The following PAPLN variants were observed in gnomAD, a reference collection of about 807,000 sequenced individuals.
The protein encoded by PAPLN is papilin, proteoglycan like sulfated glycoprotein, also known as papilin.
In PAPLN, 146 loss-of-function variants were observed where a neutral mutation model predicts 159.0. The ratio of observed to expected loss-of-function variants is 0.92; its 90% CI spans 0.80 to 1.05. PAPLN has a LOEUF of 1.05. Among genes scored for constraint, PAPLN ranks in the 50% least tolerant of loss-of-function variants. The pLI is 0.00. For missense variants in PAPLN, 1,720 were observed against 1,743.9 expected (o/e 0.99, Z 0.24); for synonymous variants, 734 against 702.9 (o/e 1.04, Z -0.70).
At chr14:73,240,541 C>T (rs183152450) in intron 2 of PAPLN, among the ~76,000 whole-genome samples, 64 of 152,264 alleles carry the variant, frequency 4.2e-4, no homozygotes, top group African/African-American at 1.5e-3. Context: ...CTCCTGGGTT[C>T]AAGTGATTCT....
At chr14:73,239,068 A>G (rs1174244198) in intron 1 of PAPLN, among the ~76,000 whole-genome samples, 1 of 152,224 alleles carries the variant, frequency 6.6e-6, no homozygotes, top group African/African-American at 2.4e-5. Context: ...CGCACACTGC[A>G]CATGCACTTT....
At chr14:73,243,860 T>A (rs1436239855) in intron 2 of PAPLN, 1 of 152,264 alleles carries the variant, frequency 6.6e-6, no homozygotes, top group Non-Finnish European at 1.5e-5. Flanking sequence ...TCCTCCAGGC[T>A]CTAGAGTCCC....
chr14:73,269,237 G>A (rs962000789), intron 26 of PAPLN, among the ~76,000 whole-genome samples: 5 of 151,894 alleles, frequency 3.3e-5, no homozygotes, highest in East Asian at 1.9e-4. Flanking sequence ...TGTTTCCACC[G>A]GTCACACCGC....
chr14:73,248,665 T>C (rs977447085), intron 5 of PAPLN, among the ~76,000 whole-genome samples: 5 of 151,538 alleles, frequency 3.3e-5, no homozygotes, highest in Admixed American at 3.3e-4. Flanking sequence ...TAGCCAGGCA[T>C]ACAAAGATTA....
chr14:73,253,267 C>T (rs1479105705), intron 11 of PAPLN: 2 of 1,351,994 alleles, frequency 1.5e-6, no homozygotes, highest in South Asian at 1.1e-5. Context: ...GCTGGTGCCA[C>T]CCTGTCACCG....
At chr14:73,261,378 C>T (rs1886569656) in intron 18 of PAPLN, 84 bp downstream of exon 18, 1 of 1,511,870 alleles carries the variant, frequency 6.6e-7, no homozygotes, top group Non-Finnish European at 8.8e-7. Context: ...GACCAAAGAC[C>T]TTCCTACCAG....
At chr14:73,262,239 T>C (rs956489300) in intron 18 of PAPLN, 111 bp from the exon 19 acceptor site, 1 of 1,087,618 alleles carries the variant, frequency 9.2e-7, no homozygotes. Flanking sequence ...GGTGTAGACA[T>C]GCTTTATAAG....
chr14:73,245,896 AGCACCATGGAGGG>A lies in PAPLN; in HGVS notation c.232-172_232-160del. On this transcript the variant is annotated intron_variant, in intron 4 of 26. Coordinates refer to ENST00000644200, the MANE Select transcript of PAPLN (RefSeq NM_001365906.3). This position sits in a 1 kb window ranked among gnomAD's most constrained non-coding sequence, Gnocchi z 4.2. ...ACTGGCCTTGCCCTCCACAGCCTAG[AGCACCATGGAGGG>A]GCACGCACAGGAGTTCGGGGGTCCG... 1.1e-6 allele frequency: 1 copy of A among 875,080 alleles called. No homozygotes were observed. The highest frequency in any genetic ancestry group is 1.7e-6 in the Non-Finnish European group (1 of 587,154). The allele number at this position is 875,080 out of a possible 1,614,324, so 54.2% of individuals were successfully genotyped here.
Position 73,251,530 on chromosome 14 carries a change from C to T in PAPLN, c.634C>T (p.Leu212Phe). ...AGTTCCCATGGGTGCCACCAGCATC[C>T]TCATCGACGAGGCTGCTGCCAGCAG... ...LIVPMGATSI[L>F]IDEAAASRNF... Residue 212 changes from leucine to phenylalanine, a missense_variant, in exon 8 of 27, where the codon CTC becomes TTC. Transcript: ENST00000644200. 6.2e-7 allele frequency: 1 copy of T among 1,611,922 alleles called. No homozygotes were observed.
At position 73,252,757 on chromosome 14, in the gene PAPLN, C is replaced by T. The variant is rs1885439795; in HGVS notation, c.1076C>T (p.Pro359Leu). Reference protein sequence around the residue: ...PADRRSCNLHPCPETKRWKAG... With the variant: ...PADRRSCNLHLCPETKRWKAG... The stretch of plus-strand genomic sequence containing the variant: ...GACCGGCGTTCCTGCAATCTTCACC[C>T]TTGCCCGGAGACCAAGCGGTGAGAC... Residue 359 changes from proline to leucine, a missense_variant, in exon 11 of 27, where the codon CCT becomes CTT. Pro to Leu is a moderately conservative substitution (Grantham distance 98). Transcript: ENST00000644200. 4 of 1,613,430 alleles carry T rather than the reference C, an allele frequency of 2.5e-6. No individual in the cohort carries two copies. The highest frequency in any genetic ancestry group is 3.4e-6 in the Non-Finnish European group (4 of 1,180,010).
Position 73,245,535 on chromosome 14 carries a change from C to A in PAPLN, c.171-101C>A. The stretch of plus-strand genomic sequence containing the variant: ...GGACACCCTCTCACCTTGCTGCTCC[C>A]ACTGGAGAGTCCCGCAGAAGTTGGG... On this transcript the variant is annotated intron_variant, in intron 3 of 26. Coordinates refer to ENST00000644200, the MANE Select transcript of PAPLN (RefSeq NM_001365906.3). This position sits in a 1 kb window ranked among gnomAD's most constrained non-coding sequence, Gnocchi z 4.2. The A allele has an allele frequency of 7.6e-7, 1 of 1,323,332 alleles. No individual in the cohort carries two copies. Among genetic ancestry groups the A allele is most frequent in the South Asian group, 1.3e-5 (1 of 76,540 alleles). 82.0% of individuals were successfully genotyped at this position (1,323,332 alleles called of 1,614,324 possible).
chr14:73,244,536 C>T, intron 2 of PAPLN, 108 bp from the exon 3 acceptor site: 4 of 939,184 alleles, frequency 4.3e-6, no homozygotes, highest in Non-Finnish European at 6.6e-6. Context: ...GGGAGAATCC[C>T]AGACTCCTTG....
At position 73,253,886 on chromosome 14, in the gene PAPLN, G is replaced by A; in HGVS notation, c.1227G>A (p.Leu409=). ...TGGAGGAGGCTGAGTGTGCCGGGCT[G>A]CCTGGGAAGCCCCCTGCCATTCAGG... is the stretch of plus-strand genomic sequence containing the variant. ...EAVEEAECAG[L]PGKPPAIQAC... is the part of the protein sequence containing the mutation. Residue 409 remains leucine (L), a synonymous_variant, in exon 12 of 27, where the codon CTG becomes CTA. Coordinates refer to ENST00000644200, the MANE Select transcript of PAPLN (RefSeq NM_001365906.3). 2.5e-6 allele frequency: 4 copies of A among 1,613,336 alleles called. No homozygotes were observed. Among genetic ancestry groups the A allele is most frequent in the Middle Eastern group, 1.7e-4 (1 of 6,054 alleles).
chr14:73,255,909 C>T (rs920301589), intron 14 of PAPLN, among the ~76,000 whole-genome samples: 6 of 152,240 alleles, frequency 3.9e-5, no homozygotes, highest in Non-Finnish European at 8.8e-5. Context: ...CTCTGATTCT[C>T]AGTTTGCCCA....
At chr14:73,239,967 C>T in intron 2 of PAPLN, 135 bp downstream of exon 2, 4 of 1,412,722 alleles carry the variant, frequency 2.8e-6, no homozygotes, top group Non-Finnish European at 3.7e-6. Context: ...CGAGCCCGCA[C>T]CGCTGAGCTC....
At chr14:73,264,984 G>C (rs1887071634) in intron 22 of PAPLN, among the ~76,000 whole-genome samples, 1 of 152,240 alleles carries the variant, frequency 6.6e-6, no homozygotes, top group African/African-American at 2.4e-5. Flanking sequence ...GAGGGCCTGA[G>C]CCGGCTTCTT....
At chr14:73,262,310 T>C (rs1240904022) in intron 18 of PAPLN, 40 bp from the exon 19 acceptor site, 7 of 1,555,530 alleles carry the variant, frequency 4.5e-6, no homozygotes, top group Non-Finnish European at 5.3e-6. Context: ...GCTTTAGTAC[T>C]GGGCACCTCA....
At chr14:73,268,185 G>A (rs1887401164) in intron 25 of PAPLN, among the ~76,000 whole-genome samples, 1 of 151,936 alleles carries the variant, frequency 6.6e-6, no homozygotes, top group African/African-American at 2.4e-5. Context: ...CGTGTGACTT[G>A]GACCACCTCA....
chr14:73,250,789 C>G, intron 6 of PAPLN, 118 bp from the exon 7 acceptor site: 2 of 1,279,408 alleles, frequency 1.6e-6, no homozygotes, highest in Non-Finnish European at 2.0e-6. Context: ...GGCTGAATCA[C>G]TCCCGACCAC....
Sources: allele counts gnomAD v4.1 joint callset (sites outside exome capture counted in the v4.1 genomes callset), GRCh38; gene constraint gnomAD v4.1.1; non-coding constraint Gnocchi (gnomAD v3.1); transcripts MANE v1.5; gene names NCBI Gene and HGNC (gene_info 2026-07-23, HGNC 2026-07-21).